ANKRD30BL: variants seen among roughly 807,000 people sequenced by gnomAD.
ANKRD30BL encodes ankyrin repeat domain 30B like, also known as putative ankyrin repeat domain-containing protein 30B-like.
In ANKRD30BL, 20 loss-of-function variants were observed where a neutral mutation model predicts 18.4. The observed-to-expected ratio is 1.09, with a 90% confidence interval of 0.77 to 1.58. The LOEUF is 1.58. Among genes scored for constraint, ANKRD30BL ranks in the 40% most tolerant of loss-of-function variants. ANKRD30BL has a pLI of 0.00. For missense variants in ANKRD30BL, 224 were observed against 268.6 expected (o/e 0.83, Z 1.16); for synonymous variants, 72 against 100.9 (o/e 0.71, Z 1.72).
At chr2:132,196,416 C>G (rs1678970809) in intron 1 of ANKRD30BL, among the ~76,000 whole-genome samples, 1 of 151,902 alleles carries the variant, frequency 6.6e-6, no homozygotes, top group African/African-American at 2.4e-5. Context: ...CGCCATTGCA[C>G]TCTGACCGGG....
intron 1 of ANKRD30BL, among the ~76,000 whole-genome samples, chr2:132,226,272 AG>A (rs1243837557): frequency 1.1e-4 from 17 of 151,394 alleles, no homozygotes; most frequent in African/African-American, 4.2e-4. Flanking sequence ...TTGATAGAAC[AG>A]GTTTGACACA....
intron 1 of ANKRD30BL, among the ~76,000 whole-genome samples, chr2:132,214,839 C>G (rs535141994): frequency 2.0e-5 from 3 of 151,520 alleles, no homozygotes; most frequent in Non-Finnish European, 4.4e-5. Flanking sequence ...AAGGAAATAT[C>G]TTCACATAAA....
At chr2:132,237,182 G>A (rs1680173437) in intron 1 of ANKRD30BL, among the ~76,000 whole-genome samples, 1 of 151,938 alleles carries the variant, frequency 6.6e-6, no homozygotes. Flanking sequence ...GCTAGAAGAC[G>A]AGTTAGTGGG....
chr2:132,183,124 C>T (rs906605215), intron 1 of ANKRD30BL, among the ~76,000 whole-genome samples: 15 of 147,362 alleles, frequency 1.0e-4, no homozygotes. Context: ...ATAAGTTACC[C>T]TAGACAAAGT....
intron 1 of ANKRD30BL, among the ~76,000 whole-genome samples, chr2:132,249,813 A>G (rs897138098): frequency 6.6e-5 from 10 of 152,104 alleles, no homozygotes; most frequent in African/African-American, 2.2e-4. Flanking sequence ...TTATGTGATG[A>G]TATTTCCATT....
Position 132,224,052 on chromosome 2 carries a change from G to A in ANKRD30BL, n.441+33477C>T, listed in dbSNP as rs1211993826. The stretch of plus-strand genomic sequence containing the variant: ...AGAGTTGAACCTTTCTTTTGATAGG[G>A]CAGGGTTGAAACTCTCTTTTTTTAG... On this transcript the variant is annotated intron_variant and non_coding_transcript_variant, in intron 1 of 4. Transcript: ENST00000470729. Among the ~76,000 whole-genome samples, 6 of 152,032 alleles carry A rather than the reference G, an allele frequency of 3.9e-5. No individual in the cohort carries two copies. The East Asian group carries it at 1.2e-3, about 29-fold the overall frequency.
intron 1 of ANKRD30BL, among the ~76,000 whole-genome samples, chr2:132,188,686 G>A (rs1678770599): frequency 2.0e-5 from 3 of 151,954 alleles, no homozygotes; most frequent in Non-Finnish European, 4.4e-5. Flanking sequence ...CTCCAGCCTG[G>A]GTGATAGAGC....
intron 1 of ANKRD30BL, among the ~76,000 whole-genome samples, chr2:132,249,847 C>T (rs112029416): frequency 0.055 from 8,313 of 152,142 alleles, 705 homozygotes; most frequent in African/African-American, 0.19. Context: ...TCAAACTGCT[C>T]ACAAATATCC....
chr2:132,239,427 T>C (rs980446978), intron 1 of ANKRD30BL, among the ~76,000 whole-genome samples: 1 of 151,204 alleles, frequency 6.6e-6, no homozygotes, highest in Non-Finnish European at 1.5e-5. Context: ...GTAAGTGGAA[T>C]CTTGAATCGC....
At position 132,230,793 on chromosome 2, in the gene ANKRD30BL, C is replaced by A. The variant is rs549651065; in HGVS notation, n.441+26736G>T. Among the ~76,000 whole-genome samples the A allele has an allele frequency of 1.7e-3, 256 of 151,624 alleles. 1 individual carries two copies. The highest frequency in any genetic ancestry group is 5.9e-3 in the African/African-American group (244 of 41,370). On this transcript the variant is annotated intron_variant and non_coding_transcript_variant, in intron 1 of 4. Coordinates refer to the ANKRD30BL transcript ENST00000470729. Reference sequence around the variant, plus strand: ...CGTGGACATTTGGAGCACTTTGAGGCCTATGGTGGAAAAGGAAATATCTTC... The same window carrying A: ...CGTGGACATTTGGAGCACTTTGAGGACTATGGTGGAAAAGGAAATATCTTC...
intron 1 of ANKRD30BL, among the ~76,000 whole-genome samples, chr2:132,168,851 C>T (rs62161678): frequency 3.5e-4 from 52 of 147,992 alleles, no homozygotes; most frequent in Non-Finnish European, 6.6e-4. Flanking sequence ...TAAATATGTA[C>T]AATTTTTATT....
chr2:132,154,771 G>A lies in ANKRD30BL; in HGVS notation c.508-3C>T. 1 of 691,222 alleles carries A rather than the reference G, an allele frequency of 1.4e-6. No individual in the cohort carries two copies. Among genetic ancestry groups the A allele is most frequent in the Non-Finnish European group, 2.7e-6 (1 of 376,556 alleles). 42.8% of individuals were successfully genotyped at this position (691,222 alleles called of 1,614,324 possible). A position where few individuals can be genotyped will look rare whatever the true frequency, so the allele number is the denominator to read the frequency against. On this transcript the variant is annotated splice_region_variant and splice_polypyrimidine_tract_variant and intron_variant, in intron 3 of 5. Transcript: ENST00000409867. ...AGTAAAAGTGGTGTGTGGCCAGCCTGTAAAACAGCAAAAACAATTTATAAT... is the reference window on the plus strand; with the variant it reads ...AGTAAAAGTGGTGTGTGGCCAGCCTATAAAACAGCAAAAACAATTTATAAT...
intron 1 of ANKRD30BL, among the ~76,000 whole-genome samples, chr2:132,183,678 T>C (rs1180396021): frequency 6.6e-6 from 1 of 152,174 alleles, no homozygotes; most frequent in Non-Finnish European, 1.5e-5. Context: ...TATATGCATG[T>C]ATATATGTGT....
intron 1 of ANKRD30BL, among the ~76,000 whole-genome samples, chr2:132,183,603 T>C (rs1573822543): frequency 6.6e-6 from 1 of 151,718 alleles, no homozygotes; most frequent in Non-Finnish European, 1.5e-5. Flanking sequence ...AAGAAAATGG[T>C]AGGGTGGGGT....
At position 132,226,023 on chromosome 2, in the gene ANKRD30BL, T is replaced by C. The variant is rs544802483; in HGVS notation, n.441+31506A>G. 3.9e-5 allele frequency among the ~76,000 whole-genome samples: 6 copies of C among 152,144 alleles called. No individual in the cohort carries two copies. The East Asian group carries it at 9.7e-4, about 25-fold the overall frequency. Reference sequence around the variant, plus strand: ...AAAGGAAGTATCTTCACATAAAAACTAGACAGAAGCATTTTCAAAAACTTA... The same window carrying C: ...AAAGGAAGTATCTTCACATAAAAACCAGACAGAAGCATTTTCAAAAACTTA... On this transcript the variant is annotated intron_variant and non_coding_transcript_variant, in intron 1 of 4. Coordinates refer to the ANKRD30BL transcript ENST00000470729.
At chr2:132,236,678 G>A (rs1054751684) in intron 1 of ANKRD30BL, among the ~76,000 whole-genome samples, 2 of 152,140 alleles carry the variant, frequency 1.3e-5, no homozygotes, top group Non-Finnish European at 2.9e-5. Flanking sequence ...CTGTTGGTGG[G>A]ACTGTAAACT....
At chr2:132,221,725 C>T (rs1330056118) in intron 1 of ANKRD30BL, among the ~76,000 whole-genome samples, 8 of 107,292 alleles carry the variant, frequency 7.5e-5, no homozygotes, top group South Asian at 3.0e-4. Flanking sequence ...CCAGCCGCCC[C>T]GTCCGGGAGG....
chr2:132,177,404 G>A (rs886542322), intron 1 of ANKRD30BL, among the ~76,000 whole-genome samples: 2 of 151,998 alleles, frequency 1.3e-5, no homozygotes, highest in African/African-American at 4.8e-5. Flanking sequence ...TGCCCACCTC[G>A]GCCTCCCAAA....
chr2:132,180,333 C>T lies in ANKRD30BL; in HGVS notation n.442-23187G>A, dbSNP rs149622583. Among the ~76,000 whole-genome samples, 201 of 152,022 alleles carry T rather than the reference C, an allele frequency of 1.3e-3. 5 individuals carry two copies. In the East Asian group the frequency reaches 0.037, roughly 28 times the overall value. Reference sequence around the variant, plus strand: ...AGTAACATGCTGTACAGATTTGTAGCCTAGGAGCAACAGGCTGCATATACT... The same window carrying T: ...AGTAACATGCTGTACAGATTTGTAGTCTAGGAGCAACAGGCTGCATATACT... On this transcript the variant is annotated intron_variant and non_coding_transcript_variant, in intron 1 of 4. Transcript: ENST00000470729.
Sources: allele counts gnomAD v4.1 joint callset (sites outside exome capture counted in the v4.1 genomes callset), GRCh38; gene constraint gnomAD v4.1.1; transcripts MANE v1.5; gene names NCBI Gene and HGNC (gene_info 2026-07-23, HGNC 2026-07-21).